The following RTL4 variants were observed in gnomAD, a reference collection of about 807,000 sequenced individuals.
The protein encoded by RTL4 is retrotransposon Gag-like protein 4.
In RTL4, 4 loss-of-function variants were observed where a neutral mutation model predicts 5.3. The observed-to-expected ratio is 0.75, with a 90% CI of 0.37 to 1.72. The LOEUF (loss-of-function observed/expected upper bound fraction) is 1.72. Ranked by LOEUF, RTL4 falls within the 40% of genes most tolerant of loss-of-function variation. The pLI is 0.04. For missense variants in RTL4, 260 were observed against 227.1 expected, an observed-to-expected ratio of 1.14 and a Z score of -0.93; for synonymous variants, 98 against 87.3, an observed-to-expected ratio of 1.12 and a Z score of -0.68.
chrX:112,108,578 G>T, the RTL4 span, among the ~76,000 whole-genome samples: 1 of 111,193 alleles, frequency 9.0e-6, no homozygotes, highest in Non-Finnish European at 1.9e-5. Context: ...CCTGGAACTG[G>T]ACCTACTCGG....
the RTL4 span, among the ~76,000 whole-genome samples, chrX:112,418,552 A>T: frequency 1.8e-5 from 2 of 111,714 alleles, no homozygotes; most frequent in African/African-American, 3.3e-5. Flanking sequence ...GTTAGGTATT[A>T]TTGATTACTA....
chrX:112,175,760 C>T, the RTL4 span, among the ~76,000 whole-genome samples: 9 of 110,851 alleles, frequency 8.1e-5, no homozygotes, highest in Non-Finnish European at 1.9e-5. Context: ...ATCACAAACC[C>T]ACAGCCAATA....
chrX:112,191,221 A>G, the RTL4 span, among the ~76,000 whole-genome samples: 3 of 111,930 alleles, frequency 2.7e-5, no homozygotes, highest in South Asian at 1.1e-3. Flanking sequence ...TGTTCTCTTG[A>G]ATGGTTGTAT....
the RTL4 span, among the ~76,000 whole-genome samples, chrX:112,152,658 A>C: frequency 8.9e-6 from 1 of 112,192 alleles, no homozygotes; most frequent in Non-Finnish European, 1.9e-5. Flanking sequence ...AGTTTGGAAG[A>C]ATTGGCCTCT....
At chrX:112,256,965 T>C in the RTL4 span, among the ~76,000 whole-genome samples, 1 of 111,827 alleles carries the variant, frequency 8.9e-6, no homozygotes, top group Admixed American at 9.5e-5. Flanking sequence ...TCATTTTTTC[T>C]TCTTTGTTAT....
the RTL4 span, among the ~76,000 whole-genome samples, chrX:112,408,698 A>T: frequency 8.9e-6 from 1 of 111,756 alleles, no homozygotes; most frequent in East Asian, 2.8e-4. Flanking sequence ...CCTAAAGAAG[A>T]TTACCTCAAG....
the RTL4 span, among the ~76,000 whole-genome samples, chrX:112,189,560 C>T: frequency 9.0e-6 from 1 of 110,526 alleles, no homozygotes; most frequent in Admixed American, 9.6e-5. Context: ...GTCAGGAGTT[C>T]GACACCAGCC....
At chrX:112,104,556 C>G in the RTL4 span, among the ~76,000 whole-genome samples, 1 of 111,640 alleles carries the variant, frequency 9.0e-6, no homozygotes, top group African/African-American at 3.2e-5. Context: ...CTTGCCCACA[C>G]TTTTCACCTT....
At chrX:112,128,678 A>AAAAAAAAAAAAAG in the RTL4 span, among the ~76,000 whole-genome samples, 2 of 106,422 alleles carry the variant, frequency 1.9e-5, no homozygotes, top group African/African-American at 6.9e-5. Context: ...AAAAAAAAAA[A>AAAAAAAAAAAAAG]GTAAAAGAAC....
At chrX:112,272,029 A>C in the RTL4 span, among the ~76,000 whole-genome samples, 1 of 112,019 alleles carries the variant, frequency 8.9e-6, no homozygotes, top group Non-Finnish European at 1.9e-5. Context: ...GTGTGTGTGT[A>C]GTGAGAACAT....
chrX:112,324,959 T>C, the RTL4 span, among the ~76,000 whole-genome samples: 1 of 111,526 alleles, frequency 9.0e-6, no homozygotes, highest in Admixed American at 9.6e-5. Context: ...GTATTAAGGA[T>C]ACAAAATCAA....
the RTL4 span, among the ~76,000 whole-genome samples, chrX:112,411,864 C>A: frequency 7.3e-5 from 8 of 110,302 alleles, no homozygotes; most frequent in African/African-American, 2.6e-4. Context: ...TACAATTAAA[C>A]AAGAGAAAGA....
the RTL4 span, among the ~76,000 whole-genome samples, chrX:112,146,166 G>C: frequency 9.0e-6 from 1 of 111,647 alleles, no homozygotes; most frequent in African/African-American, 3.3e-5. Flanking sequence ...AGCAATGCAG[G>C]GGGTGAGAAT....
chrX:112,325,488 A>T, the RTL4 span, among the ~76,000 whole-genome samples: 1 of 111,751 alleles, frequency 8.9e-6, no homozygotes, highest in African/African-American at 3.3e-5. Context: ...GCCCTCAGAA[A>T]TAATACCACA....
chrX:112,393,151 T>C, the RTL4 span, among the ~76,000 whole-genome samples: 4 of 99,525 alleles, frequency 4.0e-5, no homozygotes, highest in Non-Finnish European at 7.7e-5. Flanking sequence ...TTCTTTCTTT[T>C]TTTTTTTTTG....
the RTL4 span, among the ~76,000 whole-genome samples, chrX:112,338,005 G>A: frequency 8.9e-6 from 1 of 111,771 alleles, no homozygotes. Flanking sequence ...AGATTTTTAG[G>A]AGGCAGAGTG....
chrX:112,438,927 G>C, the RTL4 span, among the ~76,000 whole-genome samples: 1 of 111,771 alleles, frequency 8.9e-6, no homozygotes. Context: ...TGTTAAACTC[G>C]GAAGCCCTAA....
chrX:112,152,102 G>A, the RTL4 span, among the ~76,000 whole-genome samples: 1 of 111,500 alleles, frequency 9.0e-6, no homozygotes, highest in Admixed American at 9.5e-5. Context: ...TTGAAATGTT[G>A]AAATGAGAGG....
the RTL4 span, among the ~76,000 whole-genome samples, chrX:112,109,783 T>C: frequency 3.6e-5 from 4 of 111,534 alleles, no homozygotes; most frequent in South Asian, 1.5e-3. Flanking sequence ...CCCCAACTGC[T>C]GCTGGGAATT....
Sources: gnomAD v4.1 joint callset for allele counts (sites outside exome capture counted in the v4.1 genomes callset) on GRCh38, gnomAD v4.1.1 for gene constraint, MANE v1.5 for transcripts, NCBI Gene and HGNC (gene_info 2026-07-23, HGNC 2026-07-21) for gene names.